Variants in OSBPL3 observed in about 807,000 individuals in gnomAD.
OSBPL3 encodes oxysterol binding protein like 3, also known as oxysterol-binding protein-related protein 3.
Under a neutral mutation model 120.1 loss-of-function variants are expected in OSBPL3, and 65 were observed. The ratio of observed to expected loss-of-function variants is 0.54; its 90% confidence interval spans 0.44 to 0.67. The LOEUF (loss-of-function observed/expected upper bound fraction) is 0.67. Ranked by LOEUF, OSBPL3 falls within the 30% of genes least tolerant of loss-of-function variation. The probability of loss-of-function intolerance (pLI) is 0.00; values close to 1 mark genes in which losing one functional copy is unlikely to be tolerated. For missense variants in OSBPL3, 1,004 were observed against 1,082.1 expected, an observed-to-expected ratio of 0.93 and a Z score of 1.01; for synonymous variants, 416 against 402.6, an observed-to-expected ratio of 1.03 and a Z score of -0.40.
intron 1 of OSBPL3, among the ~76,000 whole-genome samples, chr7:24,941,279 A>G (rs1020533694): frequency 1.3e-5 from 2 of 152,190 alleles, no homozygotes; most frequent in Non-Finnish European, 2.9e-5. Context: ...CTTACTTCTT[A>G]TCAATTTAGA....
intron 1 of OSBPL3, among the ~76,000 whole-genome samples, chr7:24,970,297 T>C (rs1816863384): frequency 6.6e-6 from 1 of 151,906 alleles, no homozygotes; most frequent in Non-Finnish European, 1.5e-5. Context: ...AGTAGAGACT[T>C]GGTTTCACCA....
At chr7:24,941,541 T>C (rs542568029) in intron 1 of OSBPL3, among the ~76,000 whole-genome samples, 2 of 152,182 alleles carry the variant, frequency 1.3e-5, no homozygotes, top group African/African-American at 4.8e-5. Flanking sequence ...AGCATCTCTT[T>C]GAATACTCCT....
At chr7:24,958,886 C>G (rs1015981131) in intron 1 of OSBPL3, among the ~76,000 whole-genome samples, 6 of 152,158 alleles carry the variant, frequency 3.9e-5, no homozygotes, top group African/African-American at 1.4e-4. Context: ...CATATCACCA[C>G]TTAAATGCTG....
intron 1 of OSBPL3, among the ~76,000 whole-genome samples, chr7:24,935,648 G>A (rs1211366844): frequency 6.6e-6 from 1 of 152,018 alleles, no homozygotes; most frequent in African/African-American, 2.4e-5. Context: ...ATTGATTGAT[G>A]GCACATTAGG....
At chr7:24,917,048 C>CA (rs2128437266) in intron 1 of OSBPL3, among the ~76,000 whole-genome samples, 2 of 152,114 alleles carry the variant, frequency 1.3e-5, no homozygotes, top group African/African-American at 2.4e-5. Flanking sequence ...GGGGGCTGCA[C>CA]CCATATTTGT....
At chr7:24,868,136 G>A (rs970611976) in intron 5 of OSBPL3, among the ~76,000 whole-genome samples, 1 of 152,046 alleles carries the variant, frequency 6.6e-6, no homozygotes, top group African/African-American at 2.4e-5. Context: ...GGCCAACATG[G>A]TGAAACCCTG....
At chr7:24,903,460 G>A (rs556184115) in intron 1 of OSBPL3, among the ~76,000 whole-genome samples, 2 of 152,316 alleles carry the variant, frequency 1.3e-5, no homozygotes, top group East Asian at 3.9e-4. Flanking sequence ...CGCACTTGCA[G>A]GCAGATTGGG....
chr7:24,837,036 T>C (rs1370345523), intron 14 of OSBPL3, among the ~76,000 whole-genome samples: 1 of 152,114 alleles, frequency 6.6e-6, no homozygotes, highest in African/African-American at 2.4e-5. Context: ...GATTTTACTA[T>C]GTTGCCAAGG....
At chr7:24,816,875 G>A (rs762037592) in intron 17 of OSBPL3, among the ~76,000 whole-genome samples, 187 bp from the exon 18 acceptor site, 2 of 152,094 alleles carry the variant, frequency 1.3e-5, no homozygotes, top group Non-Finnish European at 2.9e-5. Context: ...GCAGAATCAG[G>A]GAAACTAAAA....
rs150886958 is a variant in OSBPL3, at chr7:24,827,239, T to G, written c.1884+3529A>C. ...CACATAATGGACAAGGGCGGAGTCATGCTGTCTCCATCAAGGTAGACTGTC... is the reference window on the plus strand; with the variant it reads ...CACATAATGGACAAGGGCGGAGTCAGGCTGTCTCCATCAAGGTAGACTGTC... On this transcript the variant is annotated intron_variant, in intron 16 of 22. Coordinates refer to ENST00000313367, the MANE Select transcript of OSBPL3 (RefSeq NM_015550.4). The surrounding 1 kb of genome is among the most constrained non-coding windows in gnomAD (Gnocchi z 5.1). Among the ~76,000 whole-genome samples, 38 of 152,364 alleles carry G rather than the reference T, an allele frequency of 2.5e-4. No homozygotes were observed. Among genetic ancestry groups the G allele is most frequent in the African/African-American group, 8.7e-4 (36 of 41,588 alleles).
rs537315122 is a variant in OSBPL3, at chr7:24,827,058, C to T, written c.1884+3710G>A. Among the ~76,000 whole-genome samples, 10 of 152,288 alleles carry T rather than the reference C, an allele frequency of 6.6e-5. No individual in the cohort carries two copies. Among genetic ancestry groups the T allele is most frequent in the African/African-American group, 2.4e-4 (10 of 41,548 alleles). On this transcript the variant is annotated intron_variant, in intron 16 of 22. Transcript: ENST00000313367. The surrounding 1 kb of genome is among the most constrained non-coding windows in gnomAD (Gnocchi z 5.1). ...TGCCAGGTCCTTAAGCTTGGAGATA[C>T]AATTTCCATCATTATCCTCCTTAGA...
rs994623893 is a variant in OSBPL3, at chr7:24,881,865, G to A, written c.97-9796C>T. On this transcript the variant is annotated intron_variant, in intron 2 of 22. Coordinates refer to ENST00000313367, the MANE Select transcript of OSBPL3 (RefSeq NM_015550.4). The surrounding 1 kb of genome is among the most constrained non-coding windows in gnomAD (Gnocchi z 4.3). ...GGTGGCTGCCAGCATTCCATGGCAT[G>A]GCTTGGCTTGTAGCTGCATCACTCC... is the stretch of plus-strand genomic sequence containing the variant. Among the ~76,000 whole-genome samples the A allele has an allele frequency of 2.6e-5, 4 of 152,104 alleles. No homozygotes were observed. Among genetic ancestry groups the A allele is most frequent in the African/African-American group, 9.7e-5 (4 of 41,408 alleles).
chr7:24,910,449 G>T (rs1186794903), intron 1 of OSBPL3, among the ~76,000 whole-genome samples: 6 of 152,128 alleles, frequency 3.9e-5, no homozygotes, highest in African/African-American at 1.4e-4. Context: ...AAATACTTAT[G>T]AATAAATGTG....
chr7:24,866,338 T>A (rs376282554), intron 5 of OSBPL3, 101 bp from the exon 6 acceptor site: 6 of 905,558 alleles, frequency 6.6e-6, no homozygotes, highest in East Asian at 2.5e-5. Flanking sequence ...TCTTTTTCAG[T>A]TGGCACGTAA....
intron 19 of OSBPL3, chr7:24,810,417 G>A: frequency 6.5e-6 from 1 of 153,324 alleles, no homozygotes; most frequent in Non-Finnish European, 1.5e-5. Flanking sequence ...CAGCTACTCG[G>A]GAGGCTGAGG....
chr7:24,859,003 C>G (rs1584403963), intron 10 of OSBPL3, among the ~76,000 whole-genome samples: 1 of 152,170 alleles, frequency 6.6e-6, no homozygotes, highest in Non-Finnish European at 1.5e-5. Context: ...TCTTCAAATT[C>G]TTTGAAGATC....
chr7:24,798,536 C>G lies in OSBPL3; in HGVS notation c.*1647G>C, dbSNP rs966356892. On this transcript the variant is annotated 3_prime_UTR_variant, in exon 23 of 23. Coordinates refer to ENST00000313367, the MANE Select transcript of OSBPL3 (RefSeq NM_015550.4). This position sits in a 1 kb window ranked among gnomAD's most constrained non-coding sequence, Gnocchi z 4.6. ...TCACATTGTGTTCATCTTGGCATCT[C>G]GATAAAATGAATCCAATATTTAATG... The G allele has an allele frequency of 1.3e-5, 2 of 152,166 alleles. No homozygotes were observed. Among genetic ancestry groups the G allele is most frequent in the Admixed American group, 1.3e-4 (2 of 15,274 alleles). The allele number at this position is 152,166 out of a possible 1,614,324, so 9.4% of individuals were successfully genotyped here.
chr7:24,972,335 G>T lies in OSBPL3; in HGVS notation c.-150+7551C>A, dbSNP rs1817119635. Among the ~76,000 whole-genome samples, 1 of 152,176 alleles carries T rather than the reference G, an allele frequency of 6.6e-6. No individual in the cohort carries two copies. The highest frequency in any genetic ancestry group is 2.1e-4 in the South Asian group (1 of 4,830). ...TCTGCTCATCTCATCCTCCTTTGAG[G>T]ATTCCCCAGCCACATTCTCTTTTCT... is the stretch of plus-strand genomic sequence containing the variant. On this transcript the variant is annotated intron_variant, in intron 1 of 22. Coordinates refer to ENST00000313367, the MANE Select transcript of OSBPL3 (RefSeq NM_015550.4). This position sits in a 1 kb window ranked among gnomAD's most constrained non-coding sequence, Gnocchi z 4.3.
chr7:24,936,530 G>C lies in OSBPL3; in HGVS notation c.-150+43356C>G, dbSNP rs1812445635. 6.6e-6 allele frequency among the ~76,000 whole-genome samples: 1 copy of C among 152,208 alleles called. No individual in the cohort carries two copies. The highest frequency in any genetic ancestry group is 6.5e-5 in the Admixed American group (1 of 15,268). Reference sequence around the variant, plus strand: ...GAAGTAAACAGCCAATTCTGTCTAGGAGTGGGAAAGCAGAATGACTCTGAG... The same window carrying C: ...GAAGTAAACAGCCAATTCTGTCTAGCAGTGGGAAAGCAGAATGACTCTGAG... On this transcript the variant is annotated intron_variant, in intron 1 of 22. Transcript: ENST00000313367. The surrounding 1 kb of genome is among the most constrained non-coding windows in gnomAD (Gnocchi z 4.2).
Sources: gnomAD v4.1 joint callset for allele counts (sites outside exome capture counted in the v4.1 genomes callset) on GRCh38, gnomAD v4.1.1 for gene constraint, Gnocchi (gnomAD v3.1) non-coding constraint, MANE v1.5 for transcripts, NCBI Gene and HGNC (gene_info 2026-07-23, HGNC 2026-07-21) for gene names.